PPM1H: variants seen among roughly 807,000 people sequenced by gnomAD.
PPM1H encodes the protein protein phosphatase 1H.
Under a neutral mutation model 54.9 loss-of-function variants are expected in PPM1H, and 27 were observed. The ratio of observed to expected loss-of-function variants is 0.49; its 90% CI spans 0.36 to 0.68. The LOEUF (loss-of-function observed/expected upper bound fraction) is 0.68. PPM1H is among the 30% of genes least tolerant of loss of function. The pLI, the probability that PPM1H is intolerant of heterozygous loss-of-function variation, is 0.00. For synonymous variants in PPM1H, 305 were observed against 270.8 expected, an observed-to-expected ratio of 1.13 and a Z score of -1.24; for missense variants, 596 against 667.8, an observed-to-expected ratio of 0.89 and a Z score of 1.19.
At chr12:62,839,080 T>C (rs1340016496) in intron 1 of PPM1H, among the ~76,000 whole-genome samples, 1 of 152,142 alleles carries the variant, frequency 6.6e-6, no homozygotes, top group Non-Finnish European at 1.5e-5. Context: ...TGCTGTGGTG[T>C]TTGGCTTTCA....
intron 1 of PPM1H, among the ~76,000 whole-genome samples, chr12:62,848,787 G>GTA (rs1350697562): frequency 6.6e-6 from 1 of 152,098 alleles, no homozygotes; most frequent in East Asian, 1.9e-4. Flanking sequence ...GTGGTGGCTG[G>GTA]TACTACCAGA....
chr12:62,773,078 T>C (rs2076588988), intron 4 of PPM1H, among the ~76,000 whole-genome samples: 1 of 151,034 alleles, frequency 6.6e-6, no homozygotes, highest in Non-Finnish European at 1.5e-5. Context: ...AACCAGGGAG[T>C]TGGAGGTGGT....
At chr12:62,726,035 C>A (rs566124993) in intron 5 of PPM1H, among the ~76,000 whole-genome samples, 17 of 152,112 alleles carry the variant, frequency 1.1e-4, no homozygotes, top group Non-Finnish European at 2.1e-4. Flanking sequence ...CCTTGTGTAC[C>A]TGTGATATAT....
chr12:62,777,643 G>A (rs2076618991), intron 4 of PPM1H, among the ~76,000 whole-genome samples: 1 of 152,110 alleles, frequency 6.6e-6, no homozygotes, highest in African/African-American at 2.4e-5. Flanking sequence ...GACAGCAATG[G>A]GAGGAAATGA....
intron 1 of PPM1H, among the ~76,000 whole-genome samples, chr12:62,838,917 T>A: frequency 2.5e-5 from 1 of 39,380 alleles, no homozygotes; most frequent in Non-Finnish European, 3.8e-5. Flanking sequence ...CGAGACTCCG[T>A]CTCAAAAAAA....
rs184509109 is a variant in PPM1H, at chr12:62,648,758, A to G, written c.1398-122T>C. 146 of 1,097,676 alleles carry G rather than the reference A, an allele frequency of 1.3e-4. No homozygotes were observed. In the Middle Eastern group the frequency reaches 2.8e-3, roughly 21 times the overall value. The allele number at this position is 1,097,676 out of a possible 1,614,324, so 68.0% of individuals were successfully genotyped here. ...ATAAATAAGTTTCAAATACACTTAC[A>G]ATACGAAAAAGACAAGGTCATCTTT... is the stretch of plus-strand genomic sequence containing the variant. On this transcript the variant is annotated intron_variant, in intron 9 of 9. Transcript: ENST00000228705.
intron 4 of PPM1H, among the ~76,000 whole-genome samples, chr12:62,738,746 G>A (rs1222710582): frequency 6.6e-6 from 1 of 152,150 alleles, no homozygotes. Flanking sequence ...TCAGTGAGGA[G>A]CCACCAACAT....
intron 1 of PPM1H, among the ~76,000 whole-genome samples, chr12:62,870,624 T>C (rs550160873): frequency 1.7e-4 from 26 of 152,338 alleles, no homozygotes; most frequent in African/African-American, 6.0e-4. Context: ...TTTCTGGCTT[T>C]GTCGACAGGA....
intron 1 of PPM1H, among the ~76,000 whole-genome samples, chr12:62,860,165 G>C (rs1869544535): frequency 6.6e-6 from 1 of 152,184 alleles, no homozygotes; most frequent in Non-Finnish European, 1.5e-5. Flanking sequence ...TCACATGGTG[G>C]TGGGAAGGAG....
chr12:62,788,790 A>G (rs1051809609), intron 3 of PPM1H, among the ~76,000 whole-genome samples: 2 of 152,056 alleles, frequency 1.3e-5, no homozygotes, highest in East Asian at 1.9e-4. Context: ...CAGTGGCCCA[A>G]TCTTGGCTCA....
chr12:62,897,212 C>T (rs2121101690), intron 1 of PPM1H, among the ~76,000 whole-genome samples: 1 of 152,052 alleles, frequency 6.6e-6, no homozygotes, highest in East Asian at 1.9e-4. Flanking sequence ...GACAAACCTG[C>T]ACATTGTGCA....
At chr12:62,778,996 A>G (rs1592594877) in intron 4 of PPM1H, among the ~76,000 whole-genome samples, 1 of 150,730 alleles carries the variant, frequency 6.6e-6, no homozygotes, top group Non-Finnish European at 1.5e-5. Flanking sequence ...AGGAAGGAAG[A>G]AAGAAAAAGA....
intron 1 of PPM1H, among the ~76,000 whole-genome samples, chr12:62,895,950 AAG>A (rs1237616700): frequency 6.6e-6 from 1 of 152,176 alleles, no homozygotes; most frequent in Non-Finnish European, 1.5e-5. Context: ...TAAATAGACT[AAG>A]AGACCCACCC....
At chr12:62,773,442 T>C (rs1040146965) in intron 4 of PPM1H, among the ~76,000 whole-genome samples, 1 of 152,186 alleles carries the variant, frequency 6.6e-6, no homozygotes, top group Non-Finnish European at 1.5e-5. Context: ...ACCAGTACAC[T>C]CCAGCCTGGG....
chr12:62,654,405 A>G (rs922008034), intron 9 of PPM1H, among the ~76,000 whole-genome samples: 2 of 152,152 alleles, frequency 1.3e-5, no homozygotes, highest in African/African-American at 4.8e-5. Flanking sequence ...GTACTTCAGT[A>G]AGCACACTGC....
At chr12:62,684,738 G>T (rs1210831845) in intron 8 of PPM1H, among the ~76,000 whole-genome samples, 1 of 152,160 alleles carries the variant, frequency 6.6e-6, no homozygotes, top group East Asian at 1.9e-4. Context: ...TGTTCTTAGG[G>T]AGTCACAGAA....
At chr12:62,801,665 T>G (rs1361584900) in intron 3 of PPM1H, 151 bp downstream of exon 3, 36 of 824,520 alleles carry the variant, frequency 4.4e-5, no homozygotes, top group Admixed American at 2.9e-5. Context: ...CAATTTCTAT[T>G]GGGAATGGAA....
chr12:62,667,122 G>C, intron 9 of PPM1H, 56 bp downstream of exon 9: 1 of 1,473,678 alleles, frequency 6.8e-7, no homozygotes, highest in Non-Finnish European at 9.3e-7. Flanking sequence ...TTAATTTCAG[G>C]CATGTCATGG....
chr12:62,869,272 T>C (rs901217489), intron 1 of PPM1H, among the ~76,000 whole-genome samples: 2 of 152,278 alleles, frequency 1.3e-5, no homozygotes, highest in African/African-American at 2.4e-5. Flanking sequence ...AGTACTCTTA[T>C]TAAAGTCATT....
Sources: allele counts gnomAD v4.1 joint callset (sites outside exome capture counted in the v4.1 genomes callset), GRCh38; gene constraint gnomAD v4.1.1; transcripts MANE v1.5; gene names NCBI Gene and HGNC (gene_info 2026-07-23, HGNC 2026-07-21).